RCN1: variants seen among roughly 807,000 people sequenced by gnomAD.
RCN1 encodes reticulocalbin 1.
RCN1 carries 14 observed loss-of-function variants against 34.7 expected under a neutral mutation model. The observed-to-expected ratio is 0.40, with a 90% CI of 0.27 to 0.63. The LOEUF is 0.63. Ranked by LOEUF, RCN1 falls within the 30% of genes least tolerant of loss-of-function variation. The pLI, the probability that RCN1 is intolerant of heterozygous loss-of-function variation, is 0.37. For synonymous variants in RCN1, 125 were observed against 165.5 expected (o/e 0.76, Z 1.88); for missense variants, 326 against 425.1 (o/e 0.77, Z 2.05).
chr11:32,094,075 C>T (rs979084937), intron 1 of RCN1, among the ~76,000 whole-genome samples: 1 of 152,000 alleles, frequency 6.6e-6, no homozygotes, highest in African/African-American at 2.4e-5. Flanking sequence ...GGGGTAGAGG[C>T]GGGGTAGGAG....
intron 1 of RCN1, among the ~76,000 whole-genome samples, chr11:32,091,960 C>A (rs564290558): frequency 6.6e-6 from 1 of 152,268 alleles, no homozygotes; most frequent in Admixed American, 6.5e-5. Context: ...TTCCTGGTCT[C>A]GGCCGCAGTG....
chr11:32,097,959 G>A lies in RCN1; in HGVS notation c.449-391G>A, dbSNP rs552264953. On this transcript the variant is annotated intron_variant, in intron 2 of 5. Coordinates refer to ENST00000054950, the MANE Select transcript of RCN1 (RefSeq NM_002901.4). Reference sequence around the variant, plus strand: ...CAAGGAGAACCAAAGATGCACTCACGCGGCCAGAATCGGGGAGATCTTGAA... The same window carrying A: ...CAAGGAGAACCAAAGATGCACTCACACGGCCAGAATCGGGGAGATCTTGAA... 7.2e-5 allele frequency among the ~76,000 whole-genome samples: 11 copies of A among 152,344 alleles called. No individual in the cohort carries two copies. The East Asian group carries it at 1.4e-3, about 19-fold the overall frequency.
intron 3 of RCN1, among the ~76,000 whole-genome samples, chr11:32,100,119 C>G (rs1852018935): frequency 6.6e-6 from 1 of 152,222 alleles, no homozygotes; most frequent in South Asian, 2.1e-4. Flanking sequence ...CCCACTGTTT[C>G]ACATTTCTCT....
At chr11:32,091,900 A>G (rs1851926061) in intron 1 of RCN1, 1 of 178,896 alleles carries the variant, frequency 5.6e-6, no homozygotes, top group South Asian at 1.3e-4. Flanking sequence ...AATCTCAGGG[A>G]TGAACATAAA....
Position 32,100,580 on chromosome 11 carries a change from T to G in RCN1, c.660T>G (p.Asp220Glu), listed in dbSNP as rs1305480819. The G allele has an allele frequency of 1.2e-6, 2 of 1,614,108 alleles. No individual in the cohort carries two copies. Among genetic ancestry groups the G allele is most frequent in the Non-Finnish European group, 8.5e-7 (1 of 1,179,974 alleles). ...TGGAGGACATCGACAAGAACGGGGA[T>G]GGGTTTGTGGATCAGGATGAGTATA... ...ETLEDIDKNGDGFVDQDEYIA... is the reference protein window; with the variant it reads ...ETLEDIDKNGEGFVDQDEYIA... The change falls in exon 4 of 6, where the codon GAT (aspartate) becomes GAG (glutamate). Residue 220 changes from aspartate to glutamate, a missense_variant. Transcript: ENST00000054950.
At chr11:32,091,776 A>C in intron 1 of RCN1, 3 of 359,150 alleles carry the variant, frequency 8.4e-6, no homozygotes, top group Admixed American at 5.2e-5. Context: ...GAGTGCACAA[A>C]AGAAGAGTTT....
rs544941654 is a variant in RCN1 at position 32,096,364 on chromosome 11, G to A, written c.255-780G>A. ...AAGTTTGCTCTGGGCTAGCATTTAGGGTACCTCAGTGGAGTTCAGTGGGAA... is the reference window on the plus strand; with the variant it reads ...AAGTTTGCTCTGGGCTAGCATTTAGAGTACCTCAGTGGAGTTCAGTGGGAA... On this transcript the variant is annotated intron_variant, in intron 1 of 5. Transcript: ENST00000054950. Among the ~76,000 whole-genome samples the A allele has an allele frequency of 5.9e-5, 9 of 152,252 alleles. 1 individual carries two copies. The South Asian group carries it at 1.9e-3, about 32-fold the overall frequency.
At chr11:32,093,853 G>A (rs527276670) in intron 1 of RCN1, among the ~76,000 whole-genome samples, 6 of 152,210 alleles carry the variant, frequency 3.9e-5, no homozygotes, top group Non-Finnish European at 8.8e-5. Context: ...TAGACCAGTG[G>A]CAGGGAGAGG....
rs1417321392 is a variant in RCN1 at position 32,097,338 on chromosome 11, G to A, written c.448+1G>A. ...CAAGCCACCTATGGTTACTACCTAG[G>A]TAAGAGGTGCTGCAGGAGCGATGAC... On this transcript the variant is annotated splice_donor_variant, in intron 2 of 5. Coordinates refer to ENST00000054950, the MANE Select transcript of RCN1 (RefSeq NM_002901.4). LOFTEE classifies it high-confidence loss of function. 6.5e-7 allele frequency: 1 copy of A among 1,546,202 alleles called. No homozygotes were observed. Among genetic ancestry groups the A allele is most frequent in the East Asian group, 2.3e-5 (1 of 43,540 alleles).
chr11:32,097,663 C>T (rs983642876), intron 2 of RCN1, among the ~76,000 whole-genome samples: 2 of 152,144 alleles, frequency 1.3e-5, no homozygotes, highest in Non-Finnish European at 2.9e-5. Context: ...CAAAATGCTG[C>T]CTAATTCTGG....
At chr11:32,091,508 G>A in intron 1 of RCN1, 58 bp downstream of exon 1, 1 of 1,521,794 alleles carries the variant, frequency 6.6e-7, no homozygotes, top group Non-Finnish European at 8.8e-7. Context: ...GGCCGCCTGG[G>A]CGAGAGCCAC....
intron 4 of RCN1, chr11:32,101,882 T>A (rs1195802697): frequency 6.6e-6 from 1 of 152,210 alleles, no homozygotes. Flanking sequence ...AACAATGTAG[T>A]GCTTTTGATT....
At position 32,104,437 on chromosome 11, in the gene RCN1, G is replaced by A. The variant is rs775301632; in HGVS notation, c.961G>A (p.Gly321Arg). Reference protein sequence around the residue: ...MFVGSQATNYGEDLTKNHDEL With the variant: ...MFVGSQATNYREDLTKNHDEL Reference sequence around the variant, plus strand: ...TGTCGGAAGCCAAGCTACCAATTACGGGGAAGATCTCACAAAAAATCATGA... The same window carrying A: ...TGTCGGAAGCCAAGCTACCAATTACAGGGAAGATCTCACAAAAAATCATGA... The change falls in exon 6 of 6, where the codon GGG (glycine) becomes AGG (arginine). Residue 321 changes from glycine (G) to arginine (R), a missense_variant. Physicochemically the swap from Gly to Arg is moderately radical, Grantham distance 125 (BLOSUM62 -2). Transcript: ENST00000054950. The A allele has an allele frequency of 1.0e-5, 16 of 1,544,460 alleles. No individual in the cohort carries two copies. The highest frequency in any genetic ancestry group is 6.7e-5 in the Admixed American group (4 of 59,792).
chr11:32,102,853 C>T (rs1852062429), intron 4 of RCN1: 2 of 360,326 alleles, frequency 5.6e-6, no homozygotes, highest in South Asian at 2.1e-5. Flanking sequence ...ACACTTTATA[C>T]AGTATCTGGA....
At position 32,100,701 on chromosome 11, in the gene RCN1, A is replaced by G. The variant is rs1852028069; in HGVS notation, c.688+93A>G. The G allele has an allele frequency of 4.1e-6, 4 of 977,276 alleles. No individual in the cohort carries two copies. The South Asian group carries it at 4.2e-5, about 10-fold the overall frequency. The allele number at this position is 977,276 out of a possible 1,614,324, so 60.5% of individuals were successfully genotyped here. ...GCTACTTTCCCCAGACGTCTCTTTT[A>G]GCAACAGCTGCAAGTCTATACGTCA... On this transcript the variant is annotated intron_variant, in intron 4 of 5. Transcript: ENST00000054950.
At position 32,100,622 on chromosome 11, in the gene RCN1, T is replaced by TAGA; in HGVS notation, c.688+15_688+17dup. The TAGA allele has an allele frequency of 6.2e-7, 1 of 1,610,194 alleles. No homozygotes were observed. Among genetic ancestry groups the TAGA allele is most frequent in the South Asian group, 1.1e-5 (1 of 90,874 alleles). On this transcript the variant is annotated intron_variant, in intron 4 of 5. Coordinates refer to ENST00000054950, the MANE Select transcript of RCN1 (RefSeq NM_002901.4). The stretch of plus-strand genomic sequence containing the variant: ...ATGAGTATATTGGTGAGTACTGACC[T>TAGA]AGAGTCTTGCTCAGCTGTCCTGACT...
At chr11:32,096,513 G>C (rs1399957126) in intron 1 of RCN1, 1 of 152,090 alleles carries the variant, frequency 6.6e-6, no homozygotes, top group East Asian at 1.9e-4. Context: ...TGATGTCAAG[G>C]CTCCTTCAGC....
intron 1 of RCN1, among the ~76,000 whole-genome samples, chr11:32,092,310 TAATAAA>T (rs1348921667): frequency 2.0e-5 from 3 of 151,518 alleles, no homozygotes. Context: ...ATCTCAAAAA[TAATAAA>T]AATAAAAATA....
chr11:32,095,790 C>T (rs1384945741), intron 1 of RCN1, among the ~76,000 whole-genome samples: 2 of 151,052 alleles, frequency 1.3e-5, no homozygotes, highest in African/African-American at 4.9e-5. Context: ...TGGCCTCCTA[C>T]CTCAGTCCTC....
Sources: allele counts gnomAD v4.1 joint callset (sites outside exome capture counted in the v4.1 genomes callset), GRCh38; gene constraint gnomAD v4.1.1; transcripts MANE v1.5; gene names NCBI Gene and HGNC (gene_info 2026-07-23, HGNC 2026-07-21).